TNFRSF8: variants seen among roughly 807,000 people sequenced by gnomAD.
TNFRSF8 encodes tumor necrosis factor receptor superfamily member 8.
TNFRSF8 carries 26 observed loss-of-function variants against 70.8 expected under a neutral mutation model. That is an observed-to-expected ratio of 0.37 (90% CI 0.27 to 0.51). TNFRSF8 has a LOEUF of 0.51. TNFRSF8 is among the 20% of genes least tolerant of loss of function. The pLI is 0.94. For synonymous variants in TNFRSF8, 356 were observed against 339.2 expected (o/e 1.05, Z -0.54); for missense variants, 720 against 807.9 (o/e 0.89, Z 1.32).
At position 12,088,912 on chromosome 1, in the gene TNFRSF8, GCTTCA is replaced by G. The variant is rs1199299017; in HGVS notation, c.151+4362_151+4366del. 5.3e-5 allele frequency among the ~76,000 whole-genome samples: 8 copies of G among 152,076 alleles called. No homozygotes were observed. Among genetic ancestry groups the G allele is most frequent in the African/African-American group, 1.9e-4 (8 of 41,408 alleles). On this transcript the variant is annotated intron_variant, in intron 2 of 14. Coordinates refer to ENST00000263932, the MANE Select transcript of TNFRSF8 (RefSeq NM_001243.5). The surrounding 1 kb of genome is among the most constrained non-coding windows in gnomAD (Gnocchi z 4.0). ...CCCGCCCAGTCCCTCTTCATCCTGG[GCTTCA>G]GCTGAGTGTGCTGGGCTCCCCTGTG... is the stretch of plus-strand genomic sequence containing the variant.
At chr1:12,123,563 C>A in intron 9 of TNFRSF8, 152 bp from the exon 10 acceptor site, 1 of 887,958 alleles carries the variant, frequency 1.1e-6, no homozygotes, top group Non-Finnish European at 1.7e-6. Flanking sequence ...GAAACCCAGT[C>A]CCTGCCCTCA....
rs137882478 is a variant in TNFRSF8 at position 12,079,948 on chromosome 1, TA to T, written c.64-4515del. ...ATCACTACTTTATTTTTTAATTCTC[TA>T]TTTTTTTTTTTTTTTTTGAGGCAGG... On this transcript the variant is annotated intron_variant, in intron 1 of 14. Coordinates refer to ENST00000263932, the MANE Select transcript of TNFRSF8 (RefSeq NM_001243.5). Among the ~76,000 whole-genome samples, 1,220 of 122,484 alleles carry T rather than the reference TA, an allele frequency of 1.0e-2. 8 individuals are homozygous for T. The highest frequency in any genetic ancestry group is 0.015 in the Non-Finnish European group (923 of 61,364). The allele number at this position is 122,484 out of a possible 152,430, so 80.4% of individuals were successfully genotyped here.
intron 12 of TNFRSF8, among the ~76,000 whole-genome samples, chr1:12,129,185 A>G (rs1237313272): frequency 1.3e-5 from 2 of 152,124 alleles, no homozygotes; most frequent in African/African-American, 4.8e-5. Context: ...ATTTTCTATT[A>G]TTCCAGGGAG....
At chr1:12,131,617 C>T (rs1356390548) in intron 12 of TNFRSF8, among the ~76,000 whole-genome samples, 1 of 152,076 alleles carries the variant, frequency 6.6e-6, no homozygotes, top group Non-Finnish European at 1.5e-5. Flanking sequence ...CCTCAGCCTC[C>T]CCAGTAGCTG....
At chr1:12,091,225 G>A (rs72861968) in intron 2 of TNFRSF8, among the ~76,000 whole-genome samples, 3,724 of 152,264 alleles carry the variant, frequency 0.024, 114 homozygotes, top group African/African-American at 0.066. Flanking sequence ...CAGACTTTGA[G>A]GCAATGATCT....
chr1:12,126,121 T>C, intron 11 of TNFRSF8, 62 bp from the exon 12 acceptor site: 2 of 1,613,326 alleles, frequency 1.2e-6, no homozygotes, highest in South Asian at 2.2e-5. Context: ...CTGGGTTCTT[T>C]CCCTGCCTGC....
intron 1 of TNFRSF8, among the ~76,000 whole-genome samples, chr1:12,078,229 G>A (rs1427556201): frequency 6.6e-6 from 1 of 152,096 alleles, no homozygotes; most frequent in African/African-American, 2.4e-5. Flanking sequence ...GACAGAACTA[G>A]TGATAGGTTG....
At position 12,138,161 on chromosome 1, in the gene TNFRSF8, C is replaced by T; in HGVS notation, c.1336-68C>T. ...CTGTAGAGATGAAAAAAAAAAGGGG[C>T]CTCCCAGTTCAGAGACTGGTGGGGA... On this transcript the variant is annotated intron_variant, in intron 13 of 14. Coordinates refer to ENST00000263932, the MANE Select transcript of TNFRSF8 (RefSeq NM_001243.5). This position sits in a 1 kb window ranked among gnomAD's most constrained non-coding sequence, Gnocchi z 5.7. 1 of 1,515,158 alleles carries T rather than the reference C, an allele frequency of 6.6e-7. No individual in the cohort carries two copies. The highest frequency in any genetic ancestry group is 8.9e-7 in the Non-Finnish European group (1 of 1,120,242). 93.9% of individuals were successfully genotyped at this position (1,515,158 alleles called of 1,614,324 possible).
At chr1:12,084,089 C>T (rs1333443980) in intron 1 of TNFRSF8, among the ~76,000 whole-genome samples, 4 of 152,092 alleles carry the variant, frequency 2.6e-5, no homozygotes, top group Non-Finnish European at 4.4e-5. Context: ...TCAACAAATA[C>T]GTTTACCAGA....
intron 4 of TNFRSF8, among the ~76,000 whole-genome samples, chr1:12,105,228 T>C (rs376085427): frequency 2.6e-5 from 4 of 152,154 alleles, no homozygotes; most frequent in African/African-American, 9.6e-5. Flanking sequence ...GTGTCCACTG[T>C]CCACTGAGGA....
intron 11 of TNFRSF8, 31 bp from the exon 12 acceptor site, chr1:12,126,152 A>G: frequency 6.2e-7 from 1 of 1,613,500 alleles, no homozygotes. Context: ...TGAGGCCGCC[A>G]CCCCCAGCCT....
chr1:12,140,596 G>A (rs1642233776), intron 14 of TNFRSF8, among the ~76,000 whole-genome samples: 1 of 152,162 alleles, frequency 6.6e-6, no homozygotes, highest in African/African-American at 2.4e-5. Context: ...ACCCCTCATG[G>A]CCGGCTCTGA....
chr1:12,136,611 T>C (rs1319558998), intron 13 of TNFRSF8, among the ~76,000 whole-genome samples: 1 of 144,326 alleles, frequency 6.9e-6, no homozygotes, highest in Non-Finnish European at 1.5e-5. Context: ...ATTGCACCAC[T>C]GCTCTCCCAG....
At chr1:12,116,410 C>T (rs1021996985) in intron 8 of TNFRSF8, among the ~76,000 whole-genome samples, 9 of 152,206 alleles carry the variant, frequency 5.9e-5, no homozygotes, top group Non-Finnish European at 1.0e-4. Flanking sequence ...AAAACCCTGA[C>T]AGTTTTTTGT....
chr1:12,110,756 G>A lies in TNFRSF8; in HGVS notation c.676+552G>A, dbSNP rs1177918551. 1.3e-5 allele frequency among the ~76,000 whole-genome samples: 2 copies of A among 151,644 alleles called. No homozygotes were observed. The highest frequency in any genetic ancestry group is 2.0e-4 in the East Asian group (1 of 5,128). On this transcript the variant is annotated intron_variant, in intron 6 of 14. Transcript: ENST00000263932. This position sits in a 1 kb window ranked among gnomAD's most constrained non-coding sequence, Gnocchi z 4.0. ...TGGGATTACAGGTGCCCACCACCACGCCTGGCTAACTTTGTATTTTTAGTA... is the reference window on the plus strand; with the variant it reads ...TGGGATTACAGGTGCCCACCACCACACCTGGCTAACTTTGTATTTTTAGTA...
chr1:12,063,595 G>T lies in TNFRSF8; in HGVS notation c.-4G>T, dbSNP rs956458686. ...GCCAGGCCACCTCACGTCCGGCCCC[G>T]GGGATGCGCGTCCTCCTCGCCGCGC... is the stretch of plus-strand genomic sequence containing the variant. On this transcript the variant is annotated 5_prime_UTR_variant, in exon 1 of 15. Transcript: ENST00000263932. The surrounding 1 kb of genome is among the most constrained non-coding windows in gnomAD (Gnocchi z 7.2). 6.1e-6 allele frequency: 8 copies of T among 1,309,290 alleles called. No homozygotes were observed. In the African/African-American group the frequency reaches 1.2e-4, roughly 20 times the overall value. 81.1% of individuals were successfully genotyped at this position (1,309,290 alleles called of 1,614,324 possible).
At position 12,110,797 on chromosome 1, in the gene TNFRSF8, C is replaced by T. The variant is rs553161043; in HGVS notation, c.676+593C>T. Among the ~76,000 whole-genome samples, 4 of 152,078 alleles carry T rather than the reference C, an allele frequency of 2.6e-5. No individual in the cohort carries two copies. Among genetic ancestry groups the T allele is most frequent in the Non-Finnish European group, 5.9e-5 (4 of 68,008 alleles). The stretch of plus-strand genomic sequence containing the variant: ...ATTTTTAGTAGAGATGGGATTTCAC[C>T]ATGTTGGTCAGGCTGGTCTCGAACT... On this transcript the variant is annotated intron_variant, in intron 6 of 14. Transcript: ENST00000263932. The surrounding 1 kb of genome is among the most constrained non-coding windows in gnomAD (Gnocchi z 4.0).
intron 1 of TNFRSF8, among the ~76,000 whole-genome samples, chr1:12,076,336 G>A (rs7511907): frequency 0.27 from 40,908 of 151,936 alleles, 5,944 homozygotes; most frequent in South Asian, 0.38. Context: ...CCGACCTCAG[G>A]TGATCCACTT....
chr1:12,143,919 C>T lies in TNFRSF8; in HGVS notation c.*1388C>T, dbSNP rs1642310261. ...TTGGGGAAAGTTGGAGAAGCCGTGG[C>T]CTTGCGAGAGGTGGTTACACCAGAA... On this transcript the variant is annotated 3_prime_UTR_variant, in exon 15 of 15. Coordinates refer to ENST00000263932, the MANE Select transcript of TNFRSF8 (RefSeq NM_001243.5). This position sits in a 1 kb window ranked among gnomAD's most constrained non-coding sequence, Gnocchi z 4.1. The T allele has an allele frequency of 6.6e-6, 1 of 152,242 alleles. No individual in the cohort carries two copies. The highest frequency in any genetic ancestry group is 1.5e-5 in the Non-Finnish European group (1 of 68,068). 9.4% of individuals were successfully genotyped at this position (152,242 alleles called of 1,614,324 possible).
Sources: allele counts gnomAD v4.1 joint callset (sites outside exome capture counted in the v4.1 genomes callset), GRCh38; gene constraint gnomAD v4.1.1; non-coding constraint Gnocchi (gnomAD v3.1); transcripts MANE v1.5; gene names NCBI Gene and HGNC (gene_info 2026-07-23, HGNC 2026-07-21).